The following NFIX variants were observed in gnomAD, a reference collection of about 807,000 sequenced individuals.
NFIX encodes the protein nuclear factor I X.
In NFIX, 2 loss-of-function variants were observed where a neutral mutation model predicts 53.3. The observed-to-expected ratio is 0.04, with a 90% CI of 0.02 to 0.12. NFIX has a LOEUF of 0.12. NFIX is among the 10% of genes least tolerant of loss of function. The pLI, the probability that NFIX is intolerant of heterozygous loss-of-function variation, is 1.00. For synonymous variants in NFIX, 244 were observed against 289.0 expected (o/e 0.84, Z 1.58); for missense variants, 310 against 674.5 (o/e 0.46, Z 5.99).
At chr19:12,997,371 G>A (rs2011507426) in intron 1 of NFIX, among the ~76,000 whole-genome samples, 1 of 152,256 alleles carries the variant, frequency 6.6e-6, no homozygotes, top group African/African-American at 2.4e-5. Context: ...GGCCCAGGGA[G>A]CGGGTTTTCC....
chr19:13,061,963 C>T (rs1014526874), intron 2 of NFIX, among the ~76,000 whole-genome samples: 25 of 152,118 alleles, frequency 1.6e-4, no homozygotes, highest in Admixed American at 1.6e-3. Flanking sequence ...ATGCAGCACT[C>T]GGTGCCGTCC....
chr19:13,074,599 G>A (rs1424132729), intron 5 of NFIX, among the ~76,000 whole-genome samples: 1 of 152,014 alleles, frequency 6.6e-6, no homozygotes, highest in Admixed American at 6.6e-5. Context: ...GGCTAGAGTG[G>A]GGGAGGGCCT....
Position 13,072,984 on chromosome 19 carries a change from C to CA in NFIX, c.560-63_560-62insA. On this transcript the variant is annotated intron_variant, in intron 2 of 10. Transcript: ENST00000592199. This position sits in a 1 kb window ranked among gnomAD's most constrained non-coding sequence, Gnocchi z 4.0. ...TTGCACCAGGCTGGAGGGGCCAATG[C>CA]TTGGCTGGTGCTTATGGGGAACTTT... 1 of 1,525,158 alleles carries CA rather than the reference C, an allele frequency of 6.6e-7. No homozygotes were observed. The highest frequency in any genetic ancestry group is 1.1e-5 in the South Asian group (1 of 89,338). 94.5% of individuals were successfully genotyped at this position (1,525,158 alleles called of 1,614,324 possible).
At chr19:13,024,032 A>G in intron 1 of NFIX, 1 of 1,504,558 alleles carries the variant, frequency 6.6e-7, no homozygotes, top group Non-Finnish European at 8.9e-7. Context: ...CTTCAGATCA[A>G]TGGTAATTAT....
intron 2 of NFIX, among the ~76,000 whole-genome samples, chr19:13,058,646 G>A (rs2015864477): frequency 6.6e-6 from 1 of 151,572 alleles, no homozygotes; most frequent in South Asian, 2.1e-4. Flanking sequence ...GAGCTATGAT[G>A]GCACCACTGC....
chr19:13,018,235 C>T (rs1420875444), intron 1 of NFIX, among the ~76,000 whole-genome samples: 1 of 149,858 alleles, frequency 6.7e-6, no homozygotes, highest in African/African-American at 2.5e-5. Flanking sequence ...GGGAGATGTG[C>T]CTGGAGCAGA....
Position 13,073,519 on chromosome 19 carries a change from G to C in NFIX, c.697+23G>C, listed in dbSNP as rs1188910529. On this transcript the variant is annotated intron_variant, in intron 4 of 10. Coordinates refer to ENST00000592199, the MANE Select transcript of NFIX (RefSeq NM_001365902.3). The surrounding 1 kb of genome is among the most constrained non-coding windows in gnomAD (Gnocchi z 4.5). The stretch of plus-strand genomic sequence containing the variant: ...AGAGTAAGTGAGTCCTTCCTTCCAG[G>C]CCAGGGATGGGGATTGAAAGTGAGG... 1 of 1,603,798 alleles carries C rather than the reference G, an allele frequency of 6.2e-7. No homozygotes were observed. Among genetic ancestry groups the C allele is most frequent in the African/African-American group, 1.3e-5 (1 of 74,684 alleles).
At chr19:13,075,709 G>A (rs200945228) in intron 6 of NFIX, 38 bp downstream of exon 6, 23 of 1,598,520 alleles carry the variant, frequency 1.4e-5, no homozygotes, top group African/African-American at 1.2e-4. Context: ...AGCAAGGGCA[G>A]CCCAGAGTCT....
Position 13,096,445 on chromosome 19 carries a change from G to T in NFIX, c.*1796G>T, listed in dbSNP as rs1394864800. On this transcript the variant is annotated 3_prime_UTR_variant, in exon 11 of 11. Transcript: ENST00000592199. Reference sequence around the variant, plus strand: ...GCGAACGGTGCCTGCTACCCAGCTGGAAGCCACAAGGTGGCTGGCTCCAGG... The same window carrying T: ...GCGAACGGTGCCTGCTACCCAGCTGTAAGCCACAAGGTGGCTGGCTCCAGG... The T allele has an allele frequency of 6.6e-6, 1 of 152,224 alleles. No individual in the cohort carries two copies. The highest frequency in any genetic ancestry group is 2.4e-5 in the African/African-American group (1 of 41,430). 9.4% of individuals were successfully genotyped at this position (152,224 alleles called of 1,614,324 possible).
At chr19:13,053,725 A>C (rs1347211419) in intron 2 of NFIX, among the ~76,000 whole-genome samples, 1 of 152,130 alleles carries the variant, frequency 6.6e-6, no homozygotes, top group South Asian at 2.1e-4. Context: ...CAGTTGAGGG[A>C]GGTCAGGAGC....
At chr19:13,038,787 C>G (rs1568281929) in intron 2 of NFIX, among the ~76,000 whole-genome samples, 1 of 152,146 alleles carries the variant, frequency 6.6e-6, no homozygotes, top group Non-Finnish European at 1.5e-5. Flanking sequence ...AGATGAAGGC[C>G]AGGATGGTGG....
chr19:13,003,356 G>C (rs1393438473), intron 1 of NFIX, among the ~76,000 whole-genome samples: 7 of 152,136 alleles, frequency 4.6e-5, no homozygotes, highest in African/African-American at 1.7e-4. Flanking sequence ...GACACGCGCA[G>C]TCACACGATC....
At position 13,002,430 on chromosome 19, in the gene NFIX, C is replaced by T. The variant is rs1185510888; in HGVS notation, c.27+6566C>T. 6.6e-6 allele frequency among the ~76,000 whole-genome samples: 1 copy of T among 152,156 alleles called. No individual in the cohort carries two copies. Among genetic ancestry groups the T allele is most frequent in the Non-Finnish European group, 1.5e-5 (1 of 68,004 alleles). ...GGAGCCCCTCTGAGGGCGGGAGTGG[C>T]CTCGTGCAGGGGCCTGGGCCCCCTG... On this transcript the variant is annotated intron_variant, in intron 1 of 10. Coordinates refer to ENST00000592199, the MANE Select transcript of NFIX (RefSeq NM_001365902.3). This position sits in a 1 kb window ranked among gnomAD's most constrained non-coding sequence, Gnocchi z 6.1.
rs986574176 is a variant in NFIX at position 13,043,316 on chromosome 19, C to T, written c.559+17764C>T. ...AAGGGGAGGGACCCTTGGGGGTCAC[C>T]GTGGCATGGCAGTTTCCTCTCAGCT... On this transcript the variant is annotated intron_variant, in intron 2 of 10. Transcript: ENST00000592199. The surrounding 1 kb of genome is among the most constrained non-coding windows in gnomAD (Gnocchi z 4.0). Among the ~76,000 whole-genome samples the T allele has an allele frequency of 6.6e-6, 1 of 152,172 alleles. No homozygotes were observed. Among genetic ancestry groups the T allele is most frequent in the Non-Finnish European group, 1.5e-5 (1 of 68,030 alleles).
At chr19:13,003,074 G>A (rs761214543) in intron 1 of NFIX, among the ~76,000 whole-genome samples, 4 of 151,996 alleles carry the variant, frequency 2.6e-5, no homozygotes, top group African/African-American at 4.8e-5. Flanking sequence ...TCCAAATATC[G>A]GCTTCGGTCG....
intron 6 of NFIX, among the ~76,000 whole-genome samples, chr19:13,077,756 G>A (rs2017196202): frequency 6.6e-6 from 1 of 152,222 alleles, no homozygotes; most frequent in African/African-American, 2.4e-5. Flanking sequence ...CAAGATGGGA[G>A]CTGATCTTTC....
rs151163478 is a variant in NFIX, at chr19:13,007,479, CA to C, written c.27+11616del. 3.2e-3 allele frequency among the ~76,000 whole-genome samples: 495 copies of C among 152,346 alleles called. 1 individual carries two copies. The highest frequency in any genetic ancestry group is 0.012 in the African/African-American group (485 of 41,572). ...CACCTGGTATTGGCATCTGGGCCAC[CA>C]GGGGGCTAGGGTGGGCATCTCTGCC... On this transcript the variant is annotated intron_variant, in intron 1 of 10. Transcript: ENST00000592199.
At chr19:13,024,979 C>T (rs1461457348) in intron 1 of NFIX, 42 bp from the exon 2 acceptor site, 1 of 1,555,844 alleles carries the variant, frequency 6.4e-7, no homozygotes, top group Non-Finnish European at 8.7e-7. Context: ...CCCCTCCTCC[C>T]GTCCTCCCTC....
intron 1 of NFIX, among the ~76,000 whole-genome samples, chr19:13,023,535 TG>T (rs1245789905): frequency 6.6e-5 from 10 of 152,064 alleles, no homozygotes; most frequent in Non-Finnish European, 1.3e-4. Flanking sequence ...GTTTTGTTTT[TG>T]TTTTTGTTTT....
Sources: allele counts gnomAD v4.1 joint callset (sites outside exome capture counted in the v4.1 genomes callset), GRCh38; gene constraint gnomAD v4.1.1; non-coding constraint Gnocchi (gnomAD v3.1); transcripts MANE v1.5; gene names NCBI Gene and HGNC (gene_info 2026-07-23, HGNC 2026-07-21).